GPR158: variants seen among roughly 807,000 people sequenced by gnomAD.
GPR158 encodes the protein metabotropic glycine receptor.
Under a neutral mutation model 78.2 loss-of-function variants are expected in GPR158, and 30 were observed. That is an observed-to-expected ratio of 0.38 (90% CI 0.29 to 0.52). The LOEUF is 0.52. Among genes scored for constraint, GPR158 ranks in the 20% least tolerant of loss-of-function variants. The probability of loss-of-function intolerance (pLI) is 0.83; values close to 1 mark genes in which losing one functional copy is unlikely to be tolerated. For synonymous variants in GPR158, 581 were observed against 591.1 expected (o/e 0.98, Z 0.25); for missense variants, 1,463 against 1,523.5 (o/e 0.96, Z 0.66).
intron 4 of GPR158, among the ~76,000 whole-genome samples, chr10:25,458,717 CA>C (rs1835321510): frequency 6.6e-6 from 1 of 152,196 alleles, no homozygotes; most frequent in South Asian, 2.1e-4. Flanking sequence ...CCCAAGATCT[CA>C]CAGCTAATAA....
In GPR158 at chr10:25,416,688, T is replaced by G. The variant is rs1754278; in HGVS notation, c.1335+4215T>G. Among the ~76,000 whole-genome samples, 1,249 of 152,142 alleles carry G rather than the reference T, an allele frequency of 8.2e-3. 12 individuals are homozygous for G. The highest frequency in any genetic ancestry group is 0.014 in the Middle Eastern group (4 of 294). Reference sequence around the variant, plus strand: ...ACTTTCCTGGTTTTAATTTAGCAAGTTGAAAAACAGTTCAGAACTAGAATG... The same window carrying G: ...ACTTTCCTGGTTTTAATTTAGCAAGGTGAAAAACAGTTCAGAACTAGAATG... On this transcript the variant is annotated intron_variant, in intron 4 of 10. Coordinates refer to ENST00000376351, the MANE Select transcript of GPR158 (RefSeq NM_020752.3).
In GPR158 at chr10:25,517,541, G is replaced by T. The variant is rs901783441; in HGVS notation, c.1405-33435G>T. On this transcript the variant is annotated intron_variant, in intron 5 of 10. Transcript: ENST00000376351. ...GACAGCTCTTATTATTTTGAAATAC[G>T]TCCCATCAATACCTAATTTATTGAG... Among the ~76,000 whole-genome samples, 4 of 152,100 alleles carry T rather than the reference G, an allele frequency of 2.6e-5. No homozygotes were observed. In the South Asian group the frequency reaches 8.3e-4, roughly 32 times the overall value.
intron 2 of GPR158, among the ~76,000 whole-genome samples, chr10:25,291,224 A>G (rs1854431764): frequency 6.6e-6 from 1 of 152,086 alleles, no homozygotes; most frequent in South Asian, 2.1e-4. Flanking sequence ...TTCAGGAGAA[A>G]GAAAGGGAAG....
At chr10:25,467,886 C>T (rs1434713615) in intron 5 of GPR158, among the ~76,000 whole-genome samples, 6 of 152,100 alleles carry the variant, frequency 3.9e-5, no homozygotes, top group Admixed American at 1.3e-4. Context: ...TGACTAGTTT[C>T]CCGCTTCTGC....
intron 2 of GPR158, among the ~76,000 whole-genome samples, chr10:25,382,653 T>C (rs1834171107): frequency 6.6e-6 from 1 of 152,150 alleles, no homozygotes; most frequent in Non-Finnish European, 1.5e-5. Context: ...ACCCTATGAT[T>C]ACCAGGAGGC....
At chr10:25,471,129 C>A (rs1049564880) in intron 5 of GPR158, among the ~76,000 whole-genome samples, 1 of 137,934 alleles carries the variant, frequency 7.2e-6, no homozygotes, top group African/African-American at 2.6e-5. Context: ...CCATGACAGG[C>A]CCCGGTGTGT....
intron 2 of GPR158, among the ~76,000 whole-genome samples, chr10:25,236,216 T>C (rs896483195): frequency 1.3e-5 from 2 of 152,140 alleles, no homozygotes; most frequent in Non-Finnish European, 2.9e-5. Flanking sequence ...TTCAAAAATC[T>C]AAATTTTGGC....
intron 2 of GPR158, among the ~76,000 whole-genome samples, chr10:25,316,615 C>T (rs1425023883): frequency 6.6e-6 from 1 of 152,080 alleles, no homozygotes; most frequent in Non-Finnish European, 1.5e-5. Flanking sequence ...CAACTATTGA[C>T]AATTTAACTT....
intron 3 of GPR158, among the ~76,000 whole-genome samples, chr10:25,403,490 A>G (rs1435761075): frequency 1.3e-5 from 2 of 151,872 alleles, no homozygotes; most frequent in Admixed American, 1.3e-4. Context: ...TACATTTTCC[A>G]TTTGTCTTCA....
rs766562531 is a variant in GPR158, at chr10:25,594,259, T to C, written c.1893-33T>C. On this transcript the variant is annotated intron_variant, in intron 8 of 10. Transcript: ENST00000376351. ...TAGTGTTCTAAGTAGAATCTTAATC[T>C]TGGATTGTTAACTCAATGAATTCTC... 7.8e-6 allele frequency: 8 copies of C among 1,031,086 alleles called. No homozygotes were observed. In the East Asian group the frequency reaches 1.9e-4, roughly 25 times the overall value. 63.9% of individuals were successfully genotyped at this position (1,031,086 alleles called of 1,614,324 possible).
chr10:25,247,003 G>A (rs1340449527), intron 2 of GPR158, among the ~76,000 whole-genome samples: 1 of 152,172 alleles, frequency 6.6e-6, no homozygotes, highest in South Asian at 2.1e-4. Flanking sequence ...AGATGCTTTG[G>A]TGAAAGTCAA....
chr10:25,511,089 A>G (rs1836078758), intron 5 of GPR158, among the ~76,000 whole-genome samples: 1 of 152,158 alleles, frequency 6.6e-6, no homozygotes. Context: ...ATCAAATGGT[A>G]GTTCTACTTT....
intron 4 of GPR158, among the ~76,000 whole-genome samples, chr10:25,441,134 G>C (rs1237366237): frequency 6.6e-6 from 1 of 152,080 alleles, no homozygotes; most frequent in Non-Finnish European, 1.5e-5. Flanking sequence ...CATATTTATT[G>C]TTTATTTACC....
At chr10:25,542,723 C>G (rs1216030453) in intron 5 of GPR158, among the ~76,000 whole-genome samples, 1 of 148,646 alleles carries the variant, frequency 6.7e-6, no homozygotes, top group Non-Finnish European at 1.5e-5. Context: ...ACTTGGGAGG[C>G]TGAGGCAGGA....
At chr10:25,359,975 C>A (rs569555002) in intron 2 of GPR158, among the ~76,000 whole-genome samples, 181 of 152,242 alleles carry the variant, frequency 1.2e-3, no homozygotes, top group African/African-American at 3.9e-3. Context: ...GAGATGGTAT[C>A]TCATGGTGGT....
rs749740727 is a variant in GPR158, at chr10:25,175,825, C to T, written c.405C>T (p.Phe135=). Residue 135 remains phenylalanine (F), a synonymous_variant, in exon 1 of 11, where the codon TTC becomes TTT. Coordinates refer to ENST00000376351, the MANE Select transcript of GPR158 (RefSeq NM_020752.3). This position sits in a 1 kb window ranked among gnomAD's most constrained non-coding sequence, Gnocchi z 6.4. Reference sequence around the variant, plus strand: ...ACACACTGACACACGCCACCAACTTCCTCAACGTGATGCTGCAGAGCAATA... The same window carrying T: ...ACACACTGACACACGCCACCAACTTTCTCAACGTGATGCTGCAGAGCAATA... ...ALDTLTHATN[F]LNVMLQSNKS... is the part of the protein sequence containing the mutation. 11 of 1,613,026 alleles carry T rather than the reference C, an allele frequency of 6.8e-6. No homozygotes were observed. In the African/African-American group the frequency reaches 1.3e-4, roughly 20 times the overall value.
intron 4 of GPR158, among the ~76,000 whole-genome samples, chr10:25,460,755 C>T (rs12259717): frequency 0.04 from 6,103 of 152,176 alleles, 421 homozygotes; most frequent in African/African-American, 0.14. Flanking sequence ...GTGCTTTGCT[C>T]TATTGTGCTT....
rs183766297 is a variant in GPR158, at chr10:25,482,432, C to T, written c.1404+15713C>T. ...CCCTGGCCTTATGTAATCCTCTCAC[C>T]TCATCCTCCCAAAAAACTGAGATTA... On this transcript the variant is annotated intron_variant, in intron 5 of 10. Transcript: ENST00000376351. 2.5e-3 allele frequency among the ~76,000 whole-genome samples: 381 copies of T among 152,198 alleles called. 1 individual carries two copies. The highest frequency in any genetic ancestry group is 8.8e-3 in the African/African-American group (364 of 41,538).
At chr10:25,582,899 A>C (rs184704909) in intron 7 of GPR158, among the ~76,000 whole-genome samples, 2 of 152,342 alleles carry the variant, frequency 1.3e-5, no homozygotes, top group Non-Finnish European at 2.9e-5. Context: ...ATTCTAATTA[A>C]TGTATCAGCT....
Sources: allele counts gnomAD v4.1 joint callset (sites outside exome capture counted in the v4.1 genomes callset), GRCh38; gene constraint gnomAD v4.1.1; non-coding constraint Gnocchi (gnomAD v3.1); transcripts MANE v1.5; gene names NCBI Gene and HGNC (gene_info 2026-07-23, HGNC 2026-07-21).